The following RAB3IP variants were observed in gnomAD, a reference collection of about 807,000 sequenced individuals.
RAB3IP encodes rab-3A-interacting protein.
Under a neutral mutation model 59.1 loss-of-function variants are expected in RAB3IP, and 36 were observed. The observed-to-expected ratio is 0.61, with a 90% CI of 0.47 to 0.80. The LOEUF is 0.80. RAB3IP is among the 30% of genes least tolerant of loss of function. The pLI is 0.00. For missense variants in RAB3IP, 511 were observed against 536.0 expected (o/e 0.95, Z 0.46); for synonymous variants, 207 against 191.2 (o/e 1.08, Z -0.68).
rs928231475 is a variant in RAB3IP at position 69,820,522 on chromosome 12, A to C, written c.*5076A>C. ...TCAGATAATGTCACTTCCCTGCTTA[A>C]AGCCCTTTGAGTGGCTTCCCATTGC... On this transcript the variant is annotated 3_prime_UTR_variant, in exon 11 of 11. Transcript: ENST00000247833. 6.7e-6 allele frequency: 1 copy of C among 148,692 alleles called. No individual in the cohort carries two copies. The highest frequency in any genetic ancestry group is 2.5e-5 in the African/African-American group (1 of 39,814). The allele number at this position is 148,692 out of a possible 1,614,324, so 9.2% of individuals were successfully genotyped here.
At chr12:69,780,822 A>G (rs973422000) in intron 3 of RAB3IP, among the ~76,000 whole-genome samples, 8 of 151,546 alleles carry the variant, frequency 5.3e-5, no homozygotes, top group African/African-American at 1.9e-4. Flanking sequence ...TTTTTTTTTA[A>G]TTAGTATTTT....
chr12:69,800,265 C>G lies in RAB3IP; in HGVS notation c.945C>G (p.Asp315Glu). 1.9e-6 allele frequency: 3 copies of G among 1,596,584 alleles called. No individual in the cohort carries two copies. The highest frequency in any genetic ancestry group is 1.7e-5 in the Admixed American group (1 of 57,644). ...FRLWKDEPTM[D>E]RTCPFLDKIY... ...TGTGGAAGGATGAGCCCACAATGGA[C>G]AGGACGTGTCCTTTCTTAGACAAAA... Residue 315 changes from aspartate (D) to glutamate (E), a missense_variant, in exon 7 of 11, where the codon GAC becomes GAG. Transcript: ENST00000247833.
Position 69,800,305 on chromosome 12 carries a change from A to C in RAB3IP, c.985A>C (p.Ile329Leu), listed in dbSNP as rs759721044. 6.3e-7 allele frequency: 1 copy of C among 1,591,206 alleles called. No homozygotes were observed. The highest frequency in any genetic ancestry group is 1.1e-5 in the South Asian group (1 of 87,600). The change falls in exon 7 of 11, where the codon ATC becomes CTC. Residue 329 changes from isoleucine to leucine, a missense_variant. Coordinates refer to ENST00000247833, the MANE Select transcript of RAB3IP (RefSeq NM_022456.5). The stretch of plus-strand genomic sequence containing the variant: ...CTTAGACAAAATCTACCAGGAAGAT[A>C]TCTTTCCATGTTTAACATTCTCAAA... ...PFLDKIYQEDIFPCLTFSKSE... is the reference protein window; with the variant it reads ...PFLDKIYQEDLFPCLTFSKSE...
intron 6 of RAB3IP, 115 bp downstream of exon 6, chr12:69,795,459 T>A: frequency 1.3e-6 from 1 of 783,044 alleles, no homozygotes. Context: ...AATGCAGTAT[T>A]AAGATGGGGG....
chr12:69,765,969 C>T (rs1872133372), intron 3 of RAB3IP, among the ~76,000 whole-genome samples: 1 of 152,196 alleles, frequency 6.6e-6, no homozygotes, highest in South Asian at 2.1e-4. Context: ...GGAAATAGGT[C>T]CCCAATCTAT....
intron 1 of RAB3IP, among the ~76,000 whole-genome samples, chr12:69,744,985 A>AT (rs150750203): frequency 0.018 from 2,763 of 152,264 alleles, 88 homozygotes; most frequent in African/African-American, 0.063. Flanking sequence ...ATTATACAGT[A>AT]TTTGAATAAA....
intron 3 of RAB3IP, among the ~76,000 whole-genome samples, chr12:69,770,107 A>G (rs1872861774): frequency 6.6e-6 from 1 of 152,256 alleles, no homozygotes; most frequent in Non-Finnish European, 1.5e-5. Flanking sequence ...TAAGTTTAAA[A>G]TAAAAATTCC....
Position 69,757,224 on chromosome 12 carries a change from A to C in RAB3IP, c.510+561A>C, listed in dbSNP as rs561755623. On this transcript the variant is annotated intron_variant, in intron 3 of 10. Transcript: ENST00000247833. ...ATTTCAGAGGAAAATTTATAGAATG[A>C]AATGCATACATCAGAAAACAGGAAA... Among the ~76,000 whole-genome samples, 7 of 152,312 alleles carry C rather than the reference A, an allele frequency of 4.6e-5. No homozygotes were observed. The South Asian group carries it at 1.5e-3, about 32-fold the overall frequency.
At chr12:69,798,903 T>C (rs564344968) in intron 6 of RAB3IP, among the ~76,000 whole-genome samples, 1 of 152,298 alleles carries the variant, frequency 6.6e-6, no homozygotes, top group East Asian at 1.9e-4. Flanking sequence ...GACTGTTAAA[T>C]TGGAGATGTG....
At chr12:69,799,798 C>T (rs1026995957) in intron 6 of RAB3IP, among the ~76,000 whole-genome samples, 2 of 152,040 alleles carry the variant, frequency 1.3e-5, no homozygotes, top group Non-Finnish European at 2.9e-5. Flanking sequence ...TTATTGTTTT[C>T]AGAAAAGACT....
rs1218166225 is a variant in RAB3IP, at chr12:69,818,117, A to AT, written c.*2672dup. On this transcript the variant is annotated 3_prime_UTR_variant, in exon 11 of 11. Coordinates refer to ENST00000247833, the MANE Select transcript of RAB3IP (RefSeq NM_022456.5). ...CATTAGGATCACTCACATATTGCTG[A>AT]TGGGGGTATCAATTGGTATATCCAC... 2.0e-5 allele frequency: 3 copies of AT among 152,218 alleles called. No homozygotes were observed. The highest frequency in any genetic ancestry group is 7.2e-5 in the African/African-American group (3 of 41,462). 9.4% of individuals were successfully genotyped at this position (152,218 alleles called of 1,614,324 possible). A position where few individuals can be genotyped will look rare whatever the true frequency, so the allele number is the denominator to read the frequency against.
At chr12:69,778,529 T>C (rs1233154660) in intron 3 of RAB3IP, among the ~76,000 whole-genome samples, 1 of 145,034 alleles carries the variant, frequency 6.9e-6, no homozygotes, top group Non-Finnish European at 1.5e-5. Context: ...TACTGTTTTT[T>C]CCCCATCTTT....
At chr12:69,751,506 G>A (rs1190050298) in intron 1 of RAB3IP, among the ~76,000 whole-genome samples, 1 of 152,006 alleles carries the variant, frequency 6.6e-6, no homozygotes, top group Non-Finnish European at 1.5e-5. Context: ...TTTTTTTCTG[G>A]TGTTTCTGAG....
intron 6 of RAB3IP, among the ~76,000 whole-genome samples, chr12:69,798,726 T>A (rs1763044395): frequency 6.6e-6 from 1 of 152,200 alleles, no homozygotes; most frequent in South Asian, 2.1e-4. Flanking sequence ...GGGATCCAAT[T>A]TCAGCTTTCT....
chr12:69,784,751 G>T lies in RAB3IP; in HGVS notation c.542G>T (p.Arg181Met). Residue 181 changes from arginine to methionine, a missense_variant, in exon 4 of 11, where the codon AGG becomes ATG. Arg to Met is a moderately conservative substitution (Grantham distance 91). Transcript: ENST00000247833. ...ELKLKDEECE[R>M]LSKVRDQLGQ... ...AAGTTAAAAGATGAAGAATGTGAGAGGCTTTCAAAAGTGCGAGATCAACTT... is the reference window on the plus strand; with the variant it reads ...AAGTTAAAAGATGAAGAATGTGAGATGCTTTCAAAAGTGCGAGATCAACTT... The T allele has an allele frequency of 4.4e-6, 7 of 1,607,770 alleles. No homozygotes were observed. Among genetic ancestry groups the T allele is most frequent in the Non-Finnish European group, 5.1e-6 (6 of 1,176,358 alleles).
chr12:69,739,261 G>A (rs1351385471), intron 1 of RAB3IP: 1 of 152,268 alleles, frequency 6.6e-6, no homozygotes, highest in Non-Finnish European at 1.5e-5. Context: ...GTGTGGGGGG[G>A]ACTTTGGCGA....
At chr12:69,758,675 A>G (rs1433888926) in intron 3 of RAB3IP, among the ~76,000 whole-genome samples, 1 of 151,808 alleles carries the variant, frequency 6.6e-6, no homozygotes, top group African/African-American at 2.4e-5. Context: ...TATCTTTTAA[A>G]GAGACTTAAA....
At chr12:69,756,255 T>C in intron 2 of RAB3IP, 150 bp from the exon 3 acceptor site, 1 of 723,214 alleles carries the variant, frequency 1.4e-6, no homozygotes, top group Non-Finnish European at 2.3e-6. Context: ...ATTGAGCACT[T>C]GAAATGTGGC....
Position 69,756,493 on chromosome 12 carries a change from G to T in RAB3IP, c.340G>T (p.Ala114Ser). 2 of 1,614,104 alleles carry T rather than the reference G, an allele frequency of 1.2e-6. No homozygotes were observed. The highest frequency in any genetic ancestry group is 1.7e-6 in the Non-Finnish European group (2 of 1,180,000). Residue 114 changes from alanine (A) to serine (S), a missense_variant, in exon 3 of 11, where the codon GCA (alanine) becomes TCA (serine). Coordinates refer to ENST00000247833, the MANE Select transcript of RAB3IP (RefSeq NM_022456.5). Reference sequence around the variant, plus strand: ...AACTACAAGAAAGGACAACTATAATGCAGAGAGAGAGTTTTTACAGGGTGC... The same window carrying T: ...AACTACAAGAAAGGACAACTATAATTCAGAGAGAGAGTTTTTACAGGGTGC... ...KLTTRKDNYN[A>S]EREFLQGATI...
Sources: allele counts gnomAD v4.1 joint callset (sites outside exome capture counted in the v4.1 genomes callset), GRCh38; gene constraint gnomAD v4.1.1; transcripts MANE v1.5; gene names NCBI Gene and HGNC (gene_info 2026-07-23, HGNC 2026-07-21).